Variants in S100A14 observed in about 807,000 individuals in gnomAD.
S100A14 encodes the protein protein S100-A14.
Under a neutral mutation model 10.6 loss-of-function variants are expected in S100A14, and 6 were observed. The ratio of observed to expected loss-of-function variants is 0.57; its 90% CI spans 0.31 to 1.12. S100A14 has a LOEUF of 1.12. Ranked by LOEUF, S100A14 falls within the 50% of genes most tolerant of loss-of-function variation. The probability of loss-of-function intolerance (pLI) is 0.06; values close to 1 mark genes in which losing one functional copy is unlikely to be tolerated. For missense variants in S100A14, 121 were observed against 128.7 expected (o/e 0.94, Z 0.29); for synonymous variants, 51 against 51.0 (o/e 1.00, Z 0.00).
In S100A14 at chr1:153,614,698, C is replaced by A. The variant is rs370724312; in HGVS notation, c.*187G>T. On this transcript the variant is annotated 3_prime_UTR_variant, in exon 4 of 4. Transcript: ENST00000344616. ...CCCCTGAGCCTCCCTCTGGTGGAGA[C>A]TCCTCCACCCATGAGCTCCCCAGAG... The A allele has an allele frequency of 2.0e-5, 13 of 643,878 alleles. No individual in the cohort carries two copies. The East Asian group carries it at 2.3e-4, about 11-fold the overall frequency. The allele number at this position is 643,878 out of a possible 1,614,324, so 39.9% of individuals were successfully genotyped here. A position where few individuals can be genotyped will look rare whatever the true frequency, so the allele number is the denominator to read the frequency against.
intron 3 of S100A14, 93 bp from the exon 4 acceptor site, chr1:153,615,115 C>T: frequency 6.3e-7 from 1 of 1,582,332 alleles, no homozygotes; most frequent in Non-Finnish European, 8.6e-7. Flanking sequence ...GGAGCAGAGG[C>T]TACCTAGCAC....
At position 153,615,359 on chromosome 1, in the gene S100A14, A is replaced by G; in HGVS notation, c.53T>C (p.Val18Ala). The change falls in exon 3 of 4, where the codon GTG becomes GCG. Residue 18 changes from valine to alanine, a missense_variant. Coordinates refer to ENST00000344616, the MANE Select transcript of S100A14 (RefSeq NM_020672.3). ...NAEDAQEFSD[V>A]ERAIETLIKN... ...GATGAGGGTCTCAATGGCCCTCTCC[A>G]CATCACTGAATTCCTGAGCATCCTG... 1 of 1,613,834 alleles carries G rather than the reference A, an allele frequency of 6.2e-7. No individual in the cohort carries two copies.
At chr1:153,615,706 C>G in intron 2 of S100A14, 123 bp downstream of exon 2, 1 of 988,356 alleles carries the variant, frequency 1.0e-6, no homozygotes, top group African/African-American at 1.6e-5. Context: ...TCACATCTCA[C>G]TCACAGGGTC....
Position 153,614,847 on chromosome 1 carries a change from C to G in S100A14, c.*38G>C. On this transcript the variant is annotated 3_prime_UTR_variant, in exon 4 of 4. Transcript: ENST00000344616. ...CAAGTTTTATCTCCAGGCCCACAGT[C>G]TCTCCCCAACACCCCCCAAGAATTC... 2 of 1,603,862 alleles carry G rather than the reference C, an allele frequency of 1.2e-6. No homozygotes were observed. The highest frequency in any genetic ancestry group is 1.1e-5 in the South Asian group (1 of 89,494).
chr1:153,615,047 C>T (rs1001836786), intron 3 of S100A14, 25 bp from the exon 4 acceptor site: 1 of 1,611,452 alleles, frequency 6.2e-7, no homozygotes, highest in South Asian at 1.1e-5. Context: ...GAAACCATGG[C>T]TCAGGGATGC....
intron 2 of S100A14, 91 bp from the exon 3 acceptor site, chr1:153,615,472 A>T (rs1666942616): frequency 6.8e-7 from 1 of 1,466,998 alleles, no homozygotes; most frequent in African/African-American, 1.4e-5. Context: ...CCCAGGGCAG[A>T]AGGCAGCTGG....
Position 153,614,789 on chromosome 1 carries a change from G to C in S100A14, c.*96C>G. 4 of 1,425,436 alleles carry C rather than the reference G, an allele frequency of 2.8e-6. No individual in the cohort carries two copies. Among genetic ancestry groups the C allele is most frequent in the Non-Finnish European group, 3.8e-6 (4 of 1,045,706 alleles). The allele number at this position is 1,425,436 out of a possible 1,614,324, so 88.3% of individuals were successfully genotyped here. Reference sequence around the variant, plus strand: ...GAACTTTGCAGAGATGAGGACAGGTGCAGGCTAGGGTACAGGGTGGTGGTA... The same window carrying C: ...GAACTTTGCAGAGATGAGGACAGGTCCAGGCTAGGGTACAGGGTGGTGGTA... On this transcript the variant is annotated 3_prime_UTR_variant, in exon 4 of 4. Transcript: ENST00000344616.
At chr1:153,615,500 C>G (rs1358545759) in intron 2 of S100A14, 119 bp from the exon 3 acceptor site, 2 of 1,183,414 alleles carry the variant, frequency 1.7e-6, no homozygotes, top group African/African-American at 1.5e-5. Flanking sequence ...ACAGCTCCCA[C>G]CCACTCCAGA....
chr1:153,615,828 C>T lies in S100A14; in HGVS notation c.30+1G>A, dbSNP rs927174497. 1.2e-6 allele frequency: 2 copies of T among 1,614,024 alleles called. No individual in the cohort carries two copies. Among genetic ancestry groups the T allele is most frequent in the Non-Finnish European group, 1.7e-6 (2 of 1,179,914 alleles). ...GAAAGGCCAGGAGTGAATGAGCCCA[C>T]CTCTGCGTTGGCTGACCGACACTGT... is the stretch of plus-strand genomic sequence containing the variant. On this transcript the variant is annotated splice_donor_variant, in intron 2 of 3. Transcript: ENST00000344616. LOFTEE classifies it high-confidence loss of function.
At chr1:153,615,086 T>G in intron 3 of S100A14, 64 bp from the exon 4 acceptor site, 7 of 1,595,008 alleles carry the variant, frequency 4.4e-6, no homozygotes, top group Non-Finnish European at 6.0e-6. Flanking sequence ...CACCCCACCC[T>G]GCCCACGGGC....
Position 153,615,850 on chromosome 1 carries a change from CTG to C in S100A14, c.7_8del (p.Gln3ValfsTer14). 1 of 1,614,030 alleles carries C rather than the reference CTG, an allele frequency of 6.2e-7. No homozygotes were observed. Among genetic ancestry groups the C allele is most frequent in the Non-Finnish European group, 8.5e-7 (1 of 1,179,924 alleles). On this transcript the variant is annotated frameshift_variant, in exon 2 of 4. Coordinates refer to ENST00000344616, the MANE Select transcript of S100A14 (RefSeq NM_020672.3). LOFTEE classifies it high-confidence loss of function. MG[Q>X]CRSANAEDAQ... ...CCACCTCTGCGTTGGCTGACCGACA[CTG>C]TCCCATGGTGCCCACTGTGTCTGGT...
chr1:153,615,334 G>T lies in S100A14; in HGVS notation c.78C>A (p.Ile26=), dbSNP rs779415833. The T allele has an allele frequency of 6.2e-7, 1 of 1,610,034 alleles. No individual in the cohort carries two copies. The highest frequency in any genetic ancestry group is 8.5e-7 in the Non-Finnish European group (1 of 1,176,602). Residue 26 remains isoleucine (I), a synonymous_variant, in exon 3 of 4, where the codon ATC becomes ATA. Transcript: ENST00000344616. ...SDVERAIETL[I]KNFHQYSVEG... ...CCACGGAGTACTGGTGAAAGTTCTT[G>T]ATGAGGGTCTCAATGGCCCTCTCCA...
chr1:153,615,516 G>T, intron 2 of S100A14, 135 bp from the exon 3 acceptor site: 1 of 1,058,964 alleles, frequency 9.4e-7, no homozygotes, highest in Non-Finnish European at 1.3e-6. Context: ...CCAGAGCCCA[G>T]AATCTAGCCC....
At position 153,615,277 on chromosome 1, in the gene S100A14, C is replaced by T. The variant is rs758959923; in HGVS notation, c.135G>A (p.Glu45=). 6.2e-7 allele frequency: 1 copy of T among 1,613,966 alleles called. No homozygotes were observed. The highest frequency in any genetic ancestry group is 1.7e-5 in the Admixed American group (1 of 60,014). Residue 45 remains glutamate (E), a synonymous_variant, in exon 3 of 4, where the codon GAG becomes GAA. Coordinates refer to ENST00000344616, the MANE Select transcript of S100A14 (RefSeq NM_020672.3). ...GCTGCTGGGTGACCAGGTCCCGTAGCTCAGAAGGGGTCAGCGTCTCCTTCC... is the reference window on the plus strand; with the variant it reads ...GCTGCTGGGTGACCAGGTCCCGTAGTTCAGAAGGGGTCAGCGTCTCCTTCC... ...EGGKETLTPS[E]LRDLVTQQLP...
At position 153,615,227 on chromosome 1, in the gene S100A14, G is replaced by A. The variant is rs367934634; in HGVS notation, c.177+8C>T. The A allele has an allele frequency of 5.1e-5, 82 of 1,613,398 alleles. No individual in the cohort carries two copies. The highest frequency in any genetic ancestry group is 1.9e-4 in the African/African-American group (14 of 75,002). The stretch of plus-strand genomic sequence containing the variant: ...TACTGGCTGAGGTGGGGTGTGCTCC[G>A]TCCATACCGGCATGAGATGGGGCAG... On this transcript the variant is annotated splice_region_variant and intron_variant, in intron 3 of 3. Coordinates refer to ENST00000344616, the MANE Select transcript of S100A14 (RefSeq NM_020672.3).
chr1:153,614,675 C>G lies in S100A14; in HGVS notation c.*210G>C, dbSNP rs556899234. 9.1e-6 allele frequency: 5 copies of G among 547,736 alleles called. No homozygotes were observed. Among genetic ancestry groups the G allele is most frequent in the Non-Finnish European group, 1.6e-5 (5 of 320,008 alleles). 33.9% of individuals were successfully genotyped at this position (547,736 alleles called of 1,614,324 possible). On this transcript the variant is annotated 3_prime_UTR_variant, in exon 4 of 4. Coordinates refer to ENST00000344616, the MANE Select transcript of S100A14 (RefSeq NM_020672.3). ...TATTCATCCCTGGCCCAACCAGTCCCCTGAGCCTCCCTCTGGTGGAGACTC... is the reference window on the plus strand; with the variant it reads ...TATTCATCCCTGGCCCAACCAGTCCGCTGAGCCTCCCTCTGGTGGAGACTC...
At chr1:153,616,061 G>A (rs374352363) in intron 1 of S100A14, 125 bp from the exon 2 acceptor site, 1 of 528,550 alleles carries the variant, frequency 1.9e-6, no homozygotes, top group East Asian at 2.9e-5. Context: ...ACACCACATA[G>A]GCCCAGGCCC....
At position 153,615,307 on chromosome 1, in the gene S100A14, C is replaced by T; in HGVS notation, c.105G>A (p.Glu35=). ...AAGGGGTCAGCGTCTCCTTCCCACC[C>T]TCCACGGAGTACTGGTGAAAGTTCT... is the stretch of plus-strand genomic sequence containing the variant. The part of the protein sequence containing the change: ...LIKNFHQYSV[E]GGKETLTPSE... The change falls in exon 3 of 4, where the codon GAG becomes GAA. Residue 35 remains glutamate, a synonymous_variant. Transcript: ENST00000344616. 1 of 1,613,982 alleles carries T rather than the reference C, an allele frequency of 6.2e-7. No individual in the cohort carries two copies. The highest frequency in any genetic ancestry group is 8.5e-7 in the Non-Finnish European group (1 of 1,179,988).
At chr1:153,615,062 C>T (rs1186285576) in intron 3 of S100A14, 40 bp from the exon 4 acceptor site, 8 of 1,606,832 alleles carry the variant, frequency 5.0e-6, no homozygotes, top group Middle Eastern at 1.7e-4. Context: ...GGATGCAGCA[C>T]CTTCCAATCT....
Sources: allele counts gnomAD v4.1 joint callset, GRCh38; gene constraint gnomAD v4.1.1; transcripts MANE v1.5; gene names NCBI Gene and HGNC (gene_info 2026-07-23, HGNC 2026-07-21).